The following RALGAPA1 variants were observed in gnomAD, a reference collection of about 807,000 sequenced individuals.
RALGAPA1 encodes the protein ral GTPase-activating protein subunit alpha-1.
Under a neutral mutation model 269.6 loss-of-function variants are expected in RALGAPA1, and 52 were observed. That is an observed-to-expected ratio of 0.19 (90% CI 0.15 to 0.24). The LOEUF is 0.24. Among genes scored for constraint, RALGAPA1 ranks in the 10% least tolerant of loss-of-function variants. The pLI is 1.00. For missense variants in RALGAPA1, 1,917 were observed against 3,013.9 expected, an observed-to-expected ratio of 0.64 and a Z score of 8.52; for synonymous variants, 817 against 1,008.3, an observed-to-expected ratio of 0.81 and a Z score of 3.60.
At chr14:35,645,451 C>T (rs1196145344) in intron 31 of RALGAPA1, among the ~76,000 whole-genome samples, 2 of 151,082 alleles carry the variant, frequency 1.3e-5, no homozygotes, top group Non-Finnish European at 2.9e-5. Context: ...ATACCCCAGG[C>T]CGGGCGCAAT....
rs562826937 is a variant in RALGAPA1, at chr14:35,752,088, T to C, written c.738A>G (p.Lys246=). ...GFSFLFSHFK[K]YYLPYIFPNI... is the part of the protein sequence containing the mutation. ...TTGGAAAAATATAAGGCAAGTAATATTTCTTAAAATGTGAAAACAAAAATG... is the reference window on the plus strand; with the variant it reads ...TTGGAAAAATATAAGGCAAGTAATACTTCTTAAAATGTGAAAACAAAAATG... The change falls in exon 8 of 42, where the codon AAA becomes AAG. Residue 246 remains lysine, a synonymous_variant. Coordinates refer to ENST00000680220, the MANE Select transcript of RALGAPA1 (RefSeq NM_001346249.2). The C allele has an allele frequency of 6.9e-6, 11 of 1,588,358 alleles. No individual in the cohort carries two copies. In the South Asian group the frequency reaches 1.3e-4, roughly 19 times the overall value.
Position 35,627,964 on chromosome 14 carries a change from A to C in RALGAPA1, c.5996-13T>G. Reference sequence around the variant, plus strand: ...ATTTGAGTTTTCACTGGAAATAAAAAATATAAATGAATGGGAATATTGCTG... The same window carrying C: ...ATTTGAGTTTTCACTGGAAATAAAACATATAAATGAATGGGAATATTGCTG... On this transcript the variant is annotated splice_polypyrimidine_tract_variant and intron_variant, in intron 33 of 41. Coordinates refer to ENST00000680220, the MANE Select transcript of RALGAPA1 (RefSeq NM_001346249.2). The C allele has an allele frequency of 6.5e-7, 1 of 1,540,020 alleles. No homozygotes were observed. Among genetic ancestry groups the C allele is most frequent in the East Asian group, 2.3e-5 (1 of 44,194 alleles).
intron 39 of RALGAPA1, among the ~76,000 whole-genome samples, chr14:35,551,071 T>TTAA (rs1344497755): frequency 6.6e-6 from 1 of 152,204 alleles, no homozygotes; most frequent in East Asian, 1.9e-4. Flanking sequence ...TTTCTGCAGT[T>TTAA]AATAGAGTCC....
chr14:35,801,637 C>T (rs2076987980), intron 1 of RALGAPA1, among the ~76,000 whole-genome samples: 1 of 152,158 alleles, frequency 6.6e-6, no homozygotes, highest in African/African-American at 2.4e-5. Flanking sequence ...AATTTGACAA[C>T]TTAGATGAAA....
chr14:35,561,226 CAAAAAAAAAAAA>C (rs71124706), intron 39 of RALGAPA1, among the ~76,000 whole-genome samples: 2 of 36,782 alleles, frequency 5.4e-5, no homozygotes, highest in Admixed American at 4.6e-4. Context: ...AACTCTGTCT[CAAAAAAAAAAAA>C]AAAAAAAAAA....
chr14:35,641,800 G>A (rs939043446), intron 31 of RALGAPA1, among the ~76,000 whole-genome samples: 1 of 152,018 alleles, frequency 6.6e-6, no homozygotes, highest in African/African-American at 2.4e-5. Flanking sequence ...AAGCTATCCT[G>A]AGCAAAATGA....
At chr14:35,593,441 A>T (rs1465991221) in intron 37 of RALGAPA1, among the ~76,000 whole-genome samples, 1 of 152,140 alleles carries the variant, frequency 6.6e-6, no homozygotes, top group East Asian at 1.9e-4. Flanking sequence ...CCCCATAAAA[A>T]CTCCAATGGC....
chr14:35,723,442 AATTTC>A (rs1327450460), intron 14 of RALGAPA1, 178 bp from the exon 15 acceptor site: 7 of 456,992 alleles, frequency 1.5e-5, no homozygotes, highest in Admixed American at 7.6e-5. Context: ...ATCTACTATA[AATTTC>A]ATTTCAACAA....
intron 12 of RALGAPA1, among the ~76,000 whole-genome samples, chr14:35,731,087 C>A (rs1303397941): frequency 2.0e-5 from 3 of 152,192 alleles, no homozygotes; most frequent in African/African-American, 7.2e-5. Flanking sequence ...CCACTACCAG[C>A]CTGGAGCCGG....
chr14:35,562,675 C>CTATAGATAATACTAT (rs1186269516), intron 39 of RALGAPA1, among the ~76,000 whole-genome samples: 47 of 152,168 alleles, frequency 3.1e-4, no homozygotes, highest in Admixed American at 2.5e-3. Flanking sequence ...TAGTCTAATA[C>CTATAGATAATACTAT]AAATCACAAA....
chr14:35,592,048 C>T (rs1594736893), intron 37 of RALGAPA1, among the ~76,000 whole-genome samples: 1 of 152,178 alleles, frequency 6.6e-6, no homozygotes, highest in African/African-American at 2.4e-5. Flanking sequence ...GAGTCAATTA[C>T]ACCTCTTTTG....
At chr14:35,602,166 G>A (rs1429925085) in intron 36 of RALGAPA1, among the ~76,000 whole-genome samples, 10 of 152,194 alleles carry the variant, frequency 6.6e-5, no homozygotes, top group Admixed American at 3.3e-4. Context: ...TTTTATGACC[G>A]AATAATATTC....
chr14:35,545,187 T>C (rs192737638), intron 41 of RALGAPA1, among the ~76,000 whole-genome samples: 8 of 152,314 alleles, frequency 5.3e-5, no homozygotes, highest in Admixed American at 5.2e-4. Flanking sequence ...TTTCAGATCA[T>C]TTCAAAGCCT....
At chr14:35,582,196 G>A (rs533954300) in intron 37 of RALGAPA1, among the ~76,000 whole-genome samples, 5 of 152,318 alleles carry the variant, frequency 3.3e-5, no homozygotes, top group Non-Finnish European at 4.4e-5. Context: ...AAGTGGATTA[G>A]AGGTTACCAG....
At chr14:35,603,521 G>A (rs1284687229) in intron 36 of RALGAPA1, among the ~76,000 whole-genome samples, 1 of 152,060 alleles carries the variant, frequency 6.6e-6, no homozygotes, top group Non-Finnish European at 1.5e-5. Context: ...AAGGAAATCA[G>A]TATATCAAAC....
rs2054589965 is a variant in RALGAPA1, at chr14:35,547,877, TA to T, written c.*23+630del. On this transcript the variant is annotated intron_variant, in intron 41 of 41. Coordinates refer to ENST00000680220, the MANE Select transcript of RALGAPA1 (RefSeq NM_001346249.2). ...TTAATGATGACAGGAATGGAAACTT[TA>T]ATTTCACTAACTAAATCTCAATTGA... Among the ~76,000 whole-genome samples the T allele has an allele frequency of 2.0e-5, 3 of 152,264 alleles. No homozygotes were observed. The South Asian group carries it at 6.2e-4, about 32-fold the overall frequency.
chr14:35,703,655 G>T (rs1424876640), intron 16 of RALGAPA1, among the ~76,000 whole-genome samples: 1 of 152,090 alleles, frequency 6.6e-6, no homozygotes, highest in East Asian at 1.9e-4. Context: ...TAGCTATTGA[G>T]ATCTTTTGGG....
chr14:35,789,307 T>C (rs1441493763), intron 1 of RALGAPA1, among the ~76,000 whole-genome samples: 2 of 151,820 alleles, frequency 1.3e-5, no homozygotes, highest in African/African-American at 2.4e-5. Context: ...TATAAGAATC[T>C]AATGCCTGAT....
intron 39 of RALGAPA1, among the ~76,000 whole-genome samples, chr14:35,564,084 G>A (rs1462472441): frequency 1.3e-5 from 2 of 152,088 alleles, no homozygotes; most frequent in African/African-American, 4.8e-5. Context: ...TGATAATAAC[G>A]ATAGCATCAT....
Sources: allele counts gnomAD v4.1 joint callset (sites outside exome capture counted in the v4.1 genomes callset), GRCh38; gene constraint gnomAD v4.1.1; transcripts MANE v1.5; gene names NCBI Gene and HGNC (gene_info 2026-07-23, HGNC 2026-07-21).